The following TTC27 variants were observed in gnomAD, a reference collection of about 807,000 sequenced individuals.
The protein encoded by TTC27 is tetratricopeptide repeat domain 27.
TTC27 carries 79 observed loss-of-function variants against 115.9 expected under a neutral mutation model. The ratio of observed to expected loss-of-function variants is 0.68; its 90% CI spans 0.57 to 0.82. The LOEUF (loss-of-function observed/expected upper bound fraction) is 0.82, where lower values mean the gene tolerates loss of function less well. TTC27 is among the 40% of genes least tolerant of loss of function. The pLI, the probability that TTC27 is intolerant of heterozygous loss-of-function variation, is 0.00. For missense variants in TTC27, 1,054 were observed against 993.1 expected (o/e 1.06, Z -0.82); for synonymous variants, 401 against 356.0 (o/e 1.13, Z -1.42).
chr2:32,812,377 C>A, intron 17 of TTC27, 127 bp from the exon 18 acceptor site: 2 of 659,876 alleles, frequency 3.0e-6, no homozygotes. Flanking sequence ...GAGTAATAGA[C>A]GCTGTGCTGT....
In TTC27 at chr2:32,736,707, G is replaced by A. The variant is rs1668463397; in HGVS notation, c.1343G>A (p.Ser448Asn). 1.2e-6 allele frequency: 2 copies of A among 1,613,784 alleles called. No homozygotes were observed. The highest frequency in any genetic ancestry group is 4.5e-5 in the East Asian group (2 of 44,864). ...TGATTTTTCTAGCGCCAACTTGCAA[G>A]TTTGCTCTTTGAGTTGGGATGTACC... ...PHWAIQRQLA[S>N]LLFELGCTSS... The change falls in exon 12 of 20, where the codon AGT becomes AAT. Residue 448 changes from serine to asparagine, a missense_variant. By Grantham distance (46) the Ser-to-Asn change is conservative. Coordinates refer to ENST00000317907, the MANE Select transcript of TTC27 (RefSeq NM_017735.5).
intron 9 of TTC27, among the ~76,000 whole-genome samples, chr2:32,702,133 A>T (rs1255374874): frequency 6.6e-6 from 1 of 152,196 alleles, no homozygotes; most frequent in Admixed American, 6.5e-5. Flanking sequence ...ATGAGTAGCT[A>T]GATTTTCAGT....
At chr2:32,773,043 A>G (rs1241099602) in intron 13 of TTC27, among the ~76,000 whole-genome samples, 1 of 152,238 alleles carries the variant, frequency 6.6e-6, no homozygotes, top group East Asian at 1.9e-4. Flanking sequence ...CAAAGAAACC[A>G]TGCTCTCAAC....
intron 14 of TTC27, among the ~76,000 whole-genome samples, chr2:32,779,762 G>C (rs1670112871): frequency 6.6e-6 from 1 of 152,002 alleles, no homozygotes; most frequent in Admixed American, 6.6e-5. Flanking sequence ...TTTTCTGCTA[G>C]GAGTTTTATA....
chr2:32,794,649 A>C (rs1314594977), intron 16 of TTC27, among the ~76,000 whole-genome samples: 1 of 152,126 alleles, frequency 6.6e-6, no homozygotes. Flanking sequence ...TGAAACTAAA[A>C]ATTAGGTCTT....
At chr2:32,764,441 T>C (rs2148000488) in intron 13 of TTC27, among the ~76,000 whole-genome samples, 1 of 152,290 alleles carries the variant, frequency 6.6e-6, no homozygotes. Flanking sequence ...AAACCTACTT[T>C]ATTACCAAAA....
chr2:32,735,179 T>G (rs1668410729), intron 11 of TTC27, among the ~76,000 whole-genome samples: 2 of 152,220 alleles, frequency 1.3e-5, no homozygotes. Context: ...AGGTTTATTG[T>G]GCATTGGAGT....
rs890198060 is a variant in TTC27 at position 32,631,818 on chromosome 2, C to CT, written c.266+1130dup. Among the ~76,000 whole-genome samples the CT allele has an allele frequency of 3.0e-3, 429 of 143,862 alleles. 2 individuals are homozygous for CT. Among genetic ancestry groups the CT allele is most frequent in the African/African-American group, 8.3e-3 (328 of 39,564 alleles). 94.4% of individuals were successfully genotyped at this position (143,862 alleles called of 152,430 possible). A position where few individuals can be genotyped will look rare whatever the true frequency, so the allele number is the denominator to read the frequency against. On this transcript the variant is annotated intron_variant, in intron 2 of 19. Coordinates refer to ENST00000317907, the MANE Select transcript of TTC27 (RefSeq NM_017735.5). ...ATTAATATTATTCATTTTCTTTTTT[C>CT]TTTTTTTTTTTTGATGGAGTATCAC... is the stretch of plus-strand genomic sequence containing the variant.
intron 9 of TTC27, among the ~76,000 whole-genome samples, chr2:32,683,284 C>T (rs566141212): frequency 3.9e-5 from 6 of 152,028 alleles, no homozygotes; most frequent in South Asian, 2.1e-4. Context: ...CCACCGCGCC[C>T]GGCCAATAGA....
At chr2:32,697,291 C>T (rs1361616664) in intron 9 of TTC27, among the ~76,000 whole-genome samples, 2 of 152,084 alleles carry the variant, frequency 1.3e-5, no homozygotes, top group African/African-American at 2.4e-5. Flanking sequence ...TTCAGTTACT[C>T]ATTGCCTCTT....
At chr2:32,719,052 A>C (rs557264870) in intron 10 of TTC27, among the ~76,000 whole-genome samples, 2 of 152,276 alleles carry the variant, frequency 1.3e-5, no homozygotes, top group African/African-American at 4.8e-5. Flanking sequence ...TCAAGATCCC[A>C]AGTGAAGAAC....
At chr2:32,774,515 T>C (rs1402017444) in intron 13 of TTC27, among the ~76,000 whole-genome samples, 1 of 152,208 alleles carries the variant, frequency 6.6e-6, no homozygotes, top group African/African-American at 2.4e-5. Flanking sequence ...ACTAGCATGA[T>C]ACTTTTATGT....
chr2:32,655,030 C>T (rs1371643071), intron 5 of TTC27, among the ~76,000 whole-genome samples: 2 of 151,446 alleles, frequency 1.3e-5, no homozygotes, highest in Non-Finnish European at 2.9e-5. Flanking sequence ...ACTCTGTCAC[C>T]CAGGCTGGAG....
Position 32,811,105 on chromosome 2 carries a change from C to T in TTC27, c.2080C>T (p.Leu694=), listed in dbSNP as rs1671301430. The T allele has an allele frequency of 6.2e-7, 1 of 1,614,120 alleles. No homozygotes were observed. The highest frequency in any genetic ancestry group is 8.5e-7 in the Non-Finnish European group (1 of 1,180,002). The change falls in exon 17 of 20, where the codon CTG becomes TTG. Residue 694 remains leucine (L), a synonymous_variant. Coordinates refer to ENST00000317907, the MANE Select transcript of TTC27 (RefSeq NM_017735.5). ...GDVATGLKGK[L]QELFGRVTSR... is the part of the protein sequence containing the mutation. ...TGTTGCAACTGGCCTCAAAGGAAAG[C>T]TGCAGGAGTTATTTGGCAGAGTGAC...
intron 9 of TTC27, among the ~76,000 whole-genome samples, chr2:32,681,192 C>T (rs116175737): frequency 4.6e-5 from 7 of 152,140 alleles, no homozygotes; most frequent in Admixed American, 4.6e-4. Context: ...ATGAGTTAAT[C>T]CCGAGTAAAT....
chr2:32,779,608 C>G (rs756895853), intron 14 of TTC27, among the ~76,000 whole-genome samples: 1 of 148,462 alleles, frequency 6.7e-6, no homozygotes, highest in Non-Finnish European at 1.5e-5. Flanking sequence ...TTTTTTTTCT[C>G]TCTATTGATT....
chr2:32,788,799 A>C (rs220656), intron 16 of TTC27, among the ~76,000 whole-genome samples: 99,089 of 152,024 alleles, frequency 0.65, 33,027 homozygotes, highest in African/African-American at 0.79. Flanking sequence ...GGCCTCTCTC[A>C]TCCAGTAAGA....
chr2:32,673,678 A>G (rs1299738290), intron 8 of TTC27, among the ~76,000 whole-genome samples: 1 of 152,194 alleles, frequency 6.6e-6, no homozygotes, highest in East Asian at 1.9e-4. Context: ...GGCTTCTCCA[A>G]AGTTATTCAT....
intron 8 of TTC27, among the ~76,000 whole-genome samples, chr2:32,676,546 C>T (rs1182394261): frequency 2.2e-5 from 3 of 139,086 alleles, no homozygotes; most frequent in East Asian, 4.2e-4. Flanking sequence ...GGCTGGAGTG[C>T]AGTGGCACGA....
Sources: gnomAD v4.1 joint callset for allele counts (sites outside exome capture counted in the v4.1 genomes callset) on GRCh38, gnomAD v4.1.1 for gene constraint, MANE v1.5 for transcripts, NCBI Gene and HGNC (gene_info 2026-07-23, HGNC 2026-07-21) for gene names.